Variants in COG2 observed in about 807,000 individuals in gnomAD.
COG2 encodes conserved oligomeric Golgi complex subunit 2.
COG2 carries 52 observed loss-of-function variants against 90.6 expected under a neutral mutation model. The observed-to-expected ratio is 0.57, with a 90% CI of 0.46 to 0.72. The LOEUF is 0.72. Ranked by LOEUF, COG2 falls within the 30% of genes least tolerant of loss-of-function variation. The pLI is 0.00. For synonymous variants in COG2, 337 were observed against 320.4 expected, an observed-to-expected ratio of 1.05 and a Z score of -0.55; for missense variants, 829 against 891.2, an observed-to-expected ratio of 0.93 and a Z score of 0.89.
At chr1:230,662,893 C>G (rs1454400563) in intron 3 of COG2, among the ~76,000 whole-genome samples, 1 of 152,140 alleles carries the variant, frequency 6.6e-6, no homozygotes, top group African/African-American at 2.4e-5. Context: ...CCCTGACCAC[C>G]TGTGATGCTC....
intron 11 of COG2, 119 bp downstream of exon 11, chr1:230,683,754 A>T: frequency 1.4e-6 from 1 of 691,346 alleles, no homozygotes; most frequent in Non-Finnish European, 2.5e-6. Flanking sequence ...TTAATCATAC[A>T]GTAAGTTGGA....
chr1:230,689,230 A>G lies in COG2; in HGVS notation c.1794+668A>G, dbSNP rs919763514. Among the ~76,000 whole-genome samples the G allele has an allele frequency of 2.0e-5, 3 of 152,310 alleles. No homozygotes were observed. The South Asian group carries it at 6.2e-4, about 32-fold the overall frequency. ...TAGTAATCTAAAGATGATTTAAACT[A>G]TACTGAAGGATGTGCATAGGTTATA... On this transcript the variant is annotated intron_variant, in intron 15 of 17. Coordinates refer to ENST00000366669, the MANE Select transcript of COG2 (RefSeq NM_007357.3).
intron 8 of COG2, among the ~76,000 whole-genome samples, chr1:230,672,321 C>CT (rs1223705165): frequency 6.6e-6 from 1 of 152,198 alleles, no homozygotes; most frequent in Non-Finnish European, 1.5e-5. Flanking sequence ...GCATGAGGCC[C>CT]TTTTTGTTCT....
At chr1:230,674,335 C>A (rs1246188554) in intron 8 of COG2, among the ~76,000 whole-genome samples, 2 of 152,188 alleles carry the variant, frequency 1.3e-5, no homozygotes, top group African/African-American at 4.8e-5. Flanking sequence ...ATCAGGCACA[C>A]CAGCTCCAAA....
At chr1:230,655,946 C>T (rs1268309836) in intron 1 of COG2, among the ~76,000 whole-genome samples, 1 of 152,008 alleles carries the variant, frequency 6.6e-6, no homozygotes. Flanking sequence ...GGGGTGATAT[C>T]CCTTTATCAT....
intron 9 of COG2, among the ~76,000 whole-genome samples, chr1:230,676,475 T>C (rs1457062771): frequency 6.6e-6 from 1 of 152,228 alleles, no homozygotes; most frequent in Non-Finnish European, 1.5e-5. Flanking sequence ...TTAGAACACA[T>C]TAACACCAAC....
At chr1:230,653,053 A>G (rs186505711) in intron 1 of COG2, among the ~76,000 whole-genome samples, 97 of 152,278 alleles carry the variant, frequency 6.4e-4, no homozygotes, top group Non-Finnish European at 1.1e-3. Flanking sequence ...AGAATACAGT[A>G]TATTATTAAC....
intron 1 of COG2, among the ~76,000 whole-genome samples, chr1:230,655,585 T>A (rs1280788815): frequency 6.6e-6 from 1 of 152,190 alleles, no homozygotes; most frequent in African/African-American, 2.4e-5. Flanking sequence ...TTTGCCAGGT[T>A]TTGATATCAG....
intron 3 of COG2, among the ~76,000 whole-genome samples, chr1:230,662,151 C>T (rs1210336218): frequency 6.6e-6 from 1 of 152,162 alleles, no homozygotes; most frequent in African/African-American, 2.4e-5. Context: ...TAGTCTTTTC[C>T]TTGCCACCTG....
At chr1:230,670,838 C>T (rs1415423265) in intron 7 of COG2, 1 of 152,082 alleles carries the variant, frequency 6.6e-6, no homozygotes, top group Non-Finnish European at 1.5e-5. Context: ...ATCTTGAACT[C>T]CTGAGCGCAA....
In COG2 at chr1:230,655,624, G is replaced by A. The variant is rs531997203; in HGVS notation, c.73-3840G>A. On this transcript the variant is annotated intron_variant, in intron 1 of 17. Transcript: ENST00000366669. ...GATGCTGGCCTCATAAAATGAATTA[G>A]GGAAGATTCCTTCTTTTTCTATTGT... Among the ~76,000 whole-genome samples the A allele has an allele frequency of 4.0e-4, 61 of 152,316 alleles. 1 individual carries two copies. The highest frequency in any genetic ancestry group is 1.5e-3 in the African/African-American group (61 of 41,570).
At chr1:230,672,726 C>G (rs988769935) in intron 8 of COG2, among the ~76,000 whole-genome samples, 3 of 152,010 alleles carry the variant, frequency 2.0e-5, no homozygotes, top group Non-Finnish European at 4.4e-5. Flanking sequence ...CTCTGGATTG[C>G]AGGATGTGTT....
At chr1:230,685,996 A>T (rs1192418859) in intron 12 of COG2, among the ~76,000 whole-genome samples, 1 of 152,232 alleles carries the variant, frequency 6.6e-6, no homozygotes, top group Non-Finnish European at 1.5e-5. Flanking sequence ...TGTAATTTGG[A>T]GTAGGAAAGG....
rs144935957 is a variant in COG2 at position 230,678,815 on chromosome 1, C to T, written c.1027-98C>T. On this transcript the variant is annotated intron_variant, in intron 9 of 17. Coordinates refer to ENST00000366669, the MANE Select transcript of COG2 (RefSeq NM_007357.3). ...TTAACTCTAGAAACTGTGATTCTTA[C>T]GTGTTGAGCTTCTTTATCTTGATTA... is the stretch of plus-strand genomic sequence containing the variant. 5.3e-5 allele frequency: 83 copies of T among 1,580,238 alleles called. 3 individuals carry two copies. In the African/African-American group the frequency reaches 5.8e-4, roughly 11 times the overall value.
At chr1:230,680,418 AC>A (rs1662713253) in intron 10 of COG2, 1 of 95,770 alleles carries the variant, frequency 1.0e-5, no homozygotes, top group African/African-American at 2.9e-5. Flanking sequence ...CTTCCATCCC[AC>A]CCCTGCACCT....
Position 230,671,511 on chromosome 1 carries a change from A to T in COG2, c.775-5A>T, listed in dbSNP as rs1238793008. On this transcript the variant is annotated splice_polypyrimidine_tract_variant and splice_region_variant and intron_variant, in intron 7 of 17. Transcript: ENST00000366669. ...TTTTTTAAAAAATGATTTTTCTTTT[A>T]ATAGGTGATTATAGAGCAGTTTGTT... 1.2e-6 allele frequency: 2 copies of T among 1,602,662 alleles called. No homozygotes were observed.
At position 230,683,592 on chromosome 1, in the gene COG2, A is replaced by T; in HGVS notation, c.1185A>T (p.Gly395=). ...ATCTCAGATTTAGAGAAATAGCGGG[A>T]TCCTTAGAAGCAGCACTTACAGATG... ...YFQIRFREIA[G]SLEAALTDVL... is the part of the protein sequence containing the mutation. The change falls in exon 11 of 18, where the codon GGA becomes GGT. Residue 395 remains glycine, a synonymous_variant. Coordinates refer to ENST00000366669, the MANE Select transcript of COG2 (RefSeq NM_007357.3). 1 of 1,612,208 alleles carries T rather than the reference A, an allele frequency of 6.2e-7. No homozygotes were observed.
intron 7 of COG2, 176 bp from the exon 8 acceptor site, chr1:230,671,340 G>A: frequency 1.9e-6 from 1 of 517,544 alleles, no homozygotes; most frequent in Non-Finnish European, 3.4e-6. Flanking sequence ...CTAATCCAAG[G>A]AAGTAGTTTT....
At chr1:230,660,479 T>C (rs1464510289) in intron 2 of COG2, among the ~76,000 whole-genome samples, 2 of 152,224 alleles carry the variant, frequency 1.3e-5, no homozygotes, top group Non-Finnish European at 2.9e-5. Context: ...TTCATTAAAA[T>C]ATTTTATTCA....
Sources: allele counts gnomAD v4.1 joint callset (sites outside exome capture counted in the v4.1 genomes callset), GRCh38; gene constraint gnomAD v4.1.1; transcripts MANE v1.5; gene names NCBI Gene and HGNC (gene_info 2026-07-23, HGNC 2026-07-21).